Variants in SLC13A1 observed in about 807,000 individuals in gnomAD.
SLC13A1 encodes solute carrier family 13 member 1.
SLC13A1 carries 65 observed loss-of-function variants against 70.0 expected under a neutral mutation model. The observed-to-expected ratio is 0.93, with a 90% CI of 0.76 to 1.14. The LOEUF is 1.14. SLC13A1 is among the 50% of genes most tolerant of loss of function. SLC13A1 has a pLI of 0.00. For missense variants in SLC13A1, 726 were observed against 717.8 expected, an observed-to-expected ratio of 1.01 and a Z score of -0.13; for synonymous variants, 275 against 250.5, an observed-to-expected ratio of 1.10 and a Z score of -0.92.
At chr7:123,126,375 C>T (rs943831289) in intron 10 of SLC13A1, among the ~76,000 whole-genome samples, 5 of 152,060 alleles carry the variant, frequency 3.3e-5, no homozygotes, top group Non-Finnish European at 7.4e-5. Flanking sequence ...AATCACCAGA[C>T]CATTGTAACA....
At chr7:123,128,795 A>G (rs1793653357) in intron 10 of SLC13A1, 50 bp downstream of exon 10, 1 of 1,154,550 alleles carries the variant, frequency 8.7e-7, no homozygotes, top group East Asian at 2.4e-5. Flanking sequence ...ACAGGAGAGA[A>G]GCAGAGTATA....
At chr7:123,141,721 T>C (rs1794155233) in intron 7 of SLC13A1, among the ~76,000 whole-genome samples, 1 of 152,164 alleles carries the variant, frequency 6.6e-6, no homozygotes, top group African/African-American at 2.4e-5. Context: ...ATGAAATCTA[T>C]TTTGCCTGAT....
intron 1 of SLC13A1, among the ~76,000 whole-genome samples, chr7:123,186,191 G>T (rs1795791424): frequency 6.6e-6 from 1 of 151,764 alleles, no homozygotes; most frequent in African/African-American, 2.4e-5. Context: ...TTGCTAAGAA[G>T]AAGAAAAGTA....
chr7:123,118,096 C>A (rs1360403327), intron 13 of SLC13A1, among the ~76,000 whole-genome samples: 1 of 151,966 alleles, frequency 6.6e-6, no homozygotes, highest in South Asian at 2.1e-4. Context: ...GTAACTTGTC[C>A]GAGCATACAG....
At chr7:123,188,313 T>A (rs1795882673) in intron 1 of SLC13A1, among the ~76,000 whole-genome samples, 1 of 152,240 alleles carries the variant, frequency 6.6e-6, no homozygotes, top group Non-Finnish European at 1.5e-5. Flanking sequence ...TTAAACCTCA[T>A]TCCTTTATAA....
chr7:123,125,530 T>C, intron 11 of SLC13A1, 39 bp downstream of exon 11: 2 of 1,448,560 alleles, frequency 1.4e-6, no homozygotes, highest in South Asian at 1.2e-5. Context: ...ATTTTTGCTC[T>C]TCTGTTAAAT....
chr7:123,154,367 A>G (rs1164318762), intron 6 of SLC13A1, among the ~76,000 whole-genome samples: 1 of 152,158 alleles, frequency 6.6e-6, no homozygotes, highest in African/African-American at 2.4e-5. Context: ...GACATGACCG[A>G]ATGCAGAATC....
chr7:123,115,348 A>G lies in SLC13A1; in HGVS notation c.*170T>C. Reference sequence around the variant, plus strand: ...TGCTCTTTAGTTGCACTGCAATAACAAATATGGACTCTGAGTTATAACAGC... The same window carrying G: ...TGCTCTTTAGTTGCACTGCAATAACGAATATGGACTCTGAGTTATAACAGC... On this transcript the variant is annotated 3_prime_UTR_variant, in exon 15 of 15. Transcript: ENST00000194130. The G allele has an allele frequency of 1.8e-6, 1 of 564,158 alleles. No individual in the cohort carries two copies. Among genetic ancestry groups the G allele is most frequent in the South Asian group, 3.0e-5 (1 of 33,038 alleles). 34.9% of individuals were successfully genotyped at this position (564,158 alleles called of 1,614,324 possible).
chr7:123,142,180 C>T (rs866251587), intron 7 of SLC13A1, among the ~76,000 whole-genome samples: 1 of 152,116 alleles, frequency 6.6e-6, no homozygotes, highest in Admixed American at 6.5e-5. Context: ...ACTCTCCCAC[C>T]CCTTTCCAAA....
At position 123,123,103 on chromosome 7, in the gene SLC13A1, A is replaced by G. The variant is rs769582449; in HGVS notation, c.1350+23T>C. 5 of 1,481,836 alleles carry G rather than the reference A, an allele frequency of 3.4e-6. No homozygotes were observed. In the African/African-American group the frequency reaches 6.9e-5, roughly 21 times the overall value. The allele number at this position is 1,481,836 out of a possible 1,614,324, so 91.8% of individuals were successfully genotyped here. On this transcript the variant is annotated intron_variant, in intron 12 of 14. Coordinates refer to ENST00000194130, the MANE Select transcript of SLC13A1 (RefSeq NM_022444.4). ...TTTGAACAGTCTGGTTAATTGTTAAATATCTTACACACAGAGTATTACCTC... is the reference window on the plus strand; with the variant it reads ...TTTGAACAGTCTGGTTAATTGTTAAGTATCTTACACACAGAGTATTACCTC...
chr7:123,154,686 C>T (rs1794658373), intron 6 of SLC13A1, among the ~76,000 whole-genome samples: 1 of 151,940 alleles, frequency 6.6e-6, no homozygotes, highest in Non-Finnish European at 1.5e-5. Context: ...TTTAAAGTAC[C>T]TACTACTGAA....
intron 12 of SLC13A1, among the ~76,000 whole-genome samples, chr7:123,120,162 C>A (rs1773264321): frequency 6.6e-6 from 1 of 151,950 alleles, no homozygotes; most frequent in African/African-American, 2.4e-5. Context: ...TTCTGGGACC[C>A]CTTTTCACTA....
chr7:123,198,764 G>T (rs1019201222), intron 1 of SLC13A1, among the ~76,000 whole-genome samples: 1 of 151,988 alleles, frequency 6.6e-6, no homozygotes, highest in Non-Finnish European at 1.5e-5. Flanking sequence ...GTGTAACCTC[G>T]ATTAGTACTT....
At chr7:123,168,481 A>G (rs745794797) in intron 5 of SLC13A1, 23 bp downstream of exon 5, 7 of 1,601,900 alleles carry the variant, frequency 4.4e-6, no homozygotes, top group South Asian at 2.2e-5. Context: ...AAAAATCCCA[A>G]TCAAAATGTC....
At chr7:123,146,639 C>T (rs927930127) in intron 7 of SLC13A1, among the ~76,000 whole-genome samples, 2 of 152,184 alleles carry the variant, frequency 1.3e-5, no homozygotes, top group African/African-American at 2.4e-5. Flanking sequence ...ATTGTCATCA[C>T]AGTTCCAAAC....
intron 6 of SLC13A1, among the ~76,000 whole-genome samples, chr7:123,149,891 A>G (rs1404082044): frequency 6.6e-6 from 1 of 152,050 alleles, no homozygotes; most frequent in African/African-American, 2.4e-5. Context: ...TCCATGGTAC[A>G]CCATTTCAAT....
At position 123,199,893 on chromosome 7, in the gene SLC13A1, G is replaced by A; in HGVS notation, c.54C>T (p.Phe18=). The A allele has an allele frequency of 6.2e-7, 1 of 1,613,088 alleles. No homozygotes were observed. The highest frequency in any genetic ancestry group is 8.5e-7 in the Non-Finnish European group (1 of 1,179,374). Residue 18 remains phenylalanine (F), a synonymous_variant, in exon 1 of 15, where the codon TTC becomes TTT. Coordinates refer to ENST00000194130, the MANE Select transcript of SLC13A1 (RefSeq NM_022444.4). ...GCAGAGGTAGTAAAACCAACACAGT[G>A]AAAACCACGAAGAGAAATCGGCGAT... ...LVYRRFLFVV[F]TVLVLLPLPI... is the part of the protein sequence containing the mutation.
chr7:123,191,177 AG>A (rs2116667578), intron 1 of SLC13A1, among the ~76,000 whole-genome samples: 1 of 152,182 alleles, frequency 6.6e-6, no homozygotes, highest in African/African-American at 2.4e-5. Context: ...TTGACACCCT[AG>A]AGTTCTTTTC....
At chr7:123,170,133 G>A (rs1027114645) in intron 3 of SLC13A1, among the ~76,000 whole-genome samples, 10 of 151,930 alleles carry the variant, frequency 6.6e-5, no homozygotes, top group African/African-American at 9.7e-5. Context: ...TTGAGTAGGC[G>A]GGCCTAGAAA....
Sources: gnomAD v4.1 joint callset for allele counts (sites outside exome capture counted in the v4.1 genomes callset) on GRCh38, gnomAD v4.1.1 for gene constraint, MANE v1.5 for transcripts, NCBI Gene and HGNC (gene_info 2026-07-23, HGNC 2026-07-21) for gene names.